The following KRT8 variants were observed in gnomAD, a reference collection of about 807,000 sequenced individuals.
KRT8 encodes the protein keratin 8.
In KRT8, 24 loss-of-function variants were observed where a neutral mutation model predicts 43.0. The observed-to-expected ratio is 0.56, with a 90% CI of 0.40 to 0.78. KRT8 has a LOEUF of 0.78. KRT8 is among the 30% of genes least tolerant of loss of function. The probability of loss-of-function intolerance (pLI) is 0.00; values close to 1 mark genes in which losing one functional copy is unlikely to be tolerated. For missense variants in KRT8, 492 were observed against 638.4 expected (o/e 0.77, Z 2.47); for synonymous variants, 214 against 261.2 (o/e 0.82, Z 1.74).
intron 2 of KRT8, among the ~76,000 whole-genome samples, chr12:52,924,699 C>A (rs554892912): frequency 6.6e-6 from 1 of 152,234 alleles, no homozygotes; most frequent in Admixed American, 6.5e-5. Context: ...GTATAGGACA[C>A]TACTGTATAG....
intron 2 of KRT8, among the ~76,000 whole-genome samples, chr12:52,942,914 C>A (rs542885839): frequency 6.6e-6 from 1 of 151,950 alleles, no homozygotes; most frequent in Non-Finnish European, 1.5e-5. Context: ...GAGGAAGGAG[C>A]CTAGAGAGGT....
chr12:52,905,038 C>A, exon 1 of KRT8: 1 of 1,558,018 alleles, frequency 6.4e-7, no homozygotes, highest in Non-Finnish European at 8.6e-7. Flanking sequence ...CTAGAAGGAG[C>A]GGAGAAGCTG....
intron 2 of KRT8, among the ~76,000 whole-genome samples, chr12:52,922,181 C>A (rs1941899514): frequency 1.4e-5 from 1 of 71,724 alleles, no homozygotes; most frequent in Non-Finnish European, 2.4e-5. Context: ...GAGACCCTGT[C>A]TCTAAAAAAA....
At chr12:52,938,170 A>ATATATTTT (rs1555189967) in intron 2 of KRT8, among the ~76,000 whole-genome samples, 10 of 30,306 alleles carry the variant, frequency 3.3e-4, no homozygotes, top group East Asian at 1.1e-3. Context: ...ATATATATAT[A>ATATATTTT]TTTTTTTTTT....
intron 2 of KRT8, among the ~76,000 whole-genome samples, chr12:52,943,832 T>C (rs912261061): frequency 1.3e-5 from 2 of 152,212 alleles, no homozygotes; most frequent in Non-Finnish European, 2.9e-5. Flanking sequence ...CTGCCCAGCC[T>C]AGGCCAGGAA....
intron 2 of KRT8, chr12:52,948,343 C>T (rs1942382625): frequency 6.6e-6 from 1 of 152,232 alleles, no homozygotes; most frequent in Non-Finnish European, 1.5e-5. Flanking sequence ...TTCTCCAGCT[C>T]CCAGCCTTTC....
chr12:52,932,638 T>G (rs189508761), intron 2 of KRT8, among the ~76,000 whole-genome samples: 1 of 152,150 alleles, frequency 6.6e-6, no homozygotes, highest in East Asian at 1.9e-4. Context: ...GATAAAATGA[T>G]TATCTATTTA....
intron 2 of KRT8, chr12:52,948,151 T>G (rs79841453): frequency 2.0e-5 from 3 of 151,232 alleles, no homozygotes; most frequent in South Asian, 2.1e-4. Flanking sequence ...TTTTGGGGAG[T>G]CTGCACCTAT....
intron 2 of KRT8, among the ~76,000 whole-genome samples, chr12:52,921,081 T>A (rs1941877236): frequency 6.6e-6 from 1 of 152,150 alleles, no homozygotes; most frequent in Non-Finnish European, 1.5e-5. Flanking sequence ...TTGACCTGGA[T>A]GGTGGGAATG....
chr12:52,938,139 T>TATATATATATATATAC (rs1942199739), intron 2 of KRT8, among the ~76,000 whole-genome samples: 1 of 29,212 alleles, frequency 3.4e-5, no homozygotes, highest in Non-Finnish European at 7.0e-5. Context: ...TAGAAAGCTA[T>TATATATATATATATAC]ATATATATAT....
chr12:52,900,459 G>T, intron 4 of KRT8, 129 bp downstream of exon 4: 1 of 727,202 alleles, frequency 1.4e-6, no homozygotes, highest in Admixed American at 2.0e-5. Flanking sequence ...ATTGGTGGCT[G>T]TAATTAGTCA....
chr12:52,945,341 T>C (rs1033221105), intron 2 of KRT8, among the ~76,000 whole-genome samples: 1 of 152,132 alleles, frequency 6.6e-6, no homozygotes, highest in African/African-American at 2.4e-5. Flanking sequence ...TCTCACTGTC[T>C]CCAACACACT....
intron 2 of KRT8, among the ~76,000 whole-genome samples, chr12:52,929,952 A>G (rs1942057255): frequency 6.6e-6 from 1 of 152,030 alleles, no homozygotes; most frequent in Non-Finnish European, 1.5e-5. Context: ...TCATTATCCA[A>G]TGCCATCCTC....
Position 52,938,170 on chromosome 12 carries a change from A to ATAT in KRT8, c.-47+11285_-47+11286insATA, listed in dbSNP as rs1555189967. ...TATATATATATATATATATATATAT[A>ATAT]TTTTTTTTTTTTTTTATATATAAGG... On this transcript the variant is annotated intron_variant, in intron 2 of 6. Coordinates refer to the KRT8 transcript ENST00000546826. Among the ~76,000 whole-genome samples the ATAT allele has an allele frequency of 3.7e-3, 112 of 30,234 alleles. 1 individual carries two copies. Among genetic ancestry groups the ATAT allele is most frequent in the African/African-American group, 0.011 (78 of 6,878 alleles). The allele number at this position is 30,234 out of a possible 152,430, so 19.8% of individuals were successfully genotyped here. A position where few individuals can be genotyped will look rare whatever the true frequency, so the allele number is the denominator to read the frequency against.
At chr12:52,930,578 T>C (rs1258918244) in intron 2 of KRT8, among the ~76,000 whole-genome samples, 1 of 151,932 alleles carries the variant, frequency 6.6e-6, no homozygotes, top group Non-Finnish European at 1.5e-5. Context: ...TTCCTTTTTT[T>C]GAGACAAAGT....
intron 2 of KRT8, chr12:52,926,418 T>C: frequency 7.1e-7 from 1 of 1,402,858 alleles, no homozygotes; most frequent in Non-Finnish European, 9.4e-7. Context: ...TTACCCTTCC[T>C]GCAGGTCCTG....
chr12:52,917,160 T>G (rs1592173279), intron 2 of KRT8, among the ~76,000 whole-genome samples: 1 of 149,324 alleles, frequency 6.7e-6, no homozygotes, highest in African/African-American at 2.5e-5. Flanking sequence ...GAGGCTGAGG[T>G]GGGTGGATCA....
At chr12:52,937,893 G>A (rs919623976) in intron 2 of KRT8, among the ~76,000 whole-genome samples, 9 of 149,996 alleles carry the variant, frequency 6.0e-5, no homozygotes, top group African/African-American at 2.0e-4. Context: ...CCAGCTACTC[G>A]GGAGACTGAG....
At chr12:52,919,808 C>G (rs1592175774) in intron 2 of KRT8, among the ~76,000 whole-genome samples, 1 of 152,020 alleles carries the variant, frequency 6.6e-6, no homozygotes, top group Admixed American at 6.6e-5. Context: ...ACCACCATGC[C>G]CGGATAATTT....
Sources: allele counts gnomAD v4.1 joint callset (sites outside exome capture counted in the v4.1 genomes callset), GRCh38; gene constraint gnomAD v4.1.1; transcripts MANE v1.5; gene names NCBI Gene and HGNC (gene_info 2026-07-23, HGNC 2026-07-21).